PCDHGB2: variants seen among roughly 807,000 people sequenced by gnomAD.
PCDHGB2 encodes the protein protocadherin gamma subfamily B, 2.
Under a neutral mutation model 59.3 loss-of-function variants are expected in PCDHGB2, and 55 were observed. The observed-to-expected ratio is 0.93, with a 90% CI of 0.75 to 1.16. The LOEUF (loss-of-function observed/expected upper bound fraction) is 1.16. Among genes scored for constraint, PCDHGB2 ranks in the 50% most tolerant of loss-of-function variants. The pLI is 0.00. For synonymous variants in PCDHGB2, 516 were observed against 512.0 expected (o/e 1.01, Z -0.11); for missense variants, 1,228 against 1,198.5 (o/e 1.02, Z -0.36).
rs549842756 is a variant in PCDHGB2 at position 141,470,331 on chromosome 5, A to T, written c.2422-24476A>T. ...TTTCCTCAAATGATCCCATAATTTG[A>T]CCTTAGGAAGCTGTTCAAATAGACA... is the stretch of plus-strand genomic sequence containing the variant. On this transcript the variant is annotated intron_variant, in intron 1 of 3. Transcript: ENST00000522605. 3.3e-4 allele frequency among the ~76,000 whole-genome samples: 50 copies of T among 152,244 alleles called. 1 individual carries two copies. Among genetic ancestry groups the T allele is most frequent in the African/African-American group, 1.1e-3 (47 of 41,536 alleles).
chr5:141,485,065 A>G lies in PCDHGB2; in HGVS notation c.2422-9742A>G, dbSNP rs527439590. On this transcript the variant is annotated intron_variant, in intron 1 of 3. Transcript: ENST00000522605. The surrounding 1 kb of genome is among the most constrained non-coding windows in gnomAD (Gnocchi z 5.7). ...TGCGGCGCCGGCCGAACCGCGCCAG[A>G]GCTGGCGCGGGGAAAGGGAGATAGG... The G allele has an allele frequency of 4.2e-5, 37 of 877,696 alleles. No individual in the cohort carries two copies. Among genetic ancestry groups the G allele is most frequent in the Non-Finnish European group, 6.5e-5 (36 of 552,826 alleles). The allele number at this position is 877,696 out of a possible 1,614,324, so 54.4% of individuals were successfully genotyped here. A position where few individuals can be genotyped will look rare whatever the true frequency, so the allele number is the denominator to read the frequency against.
intron 1 of PCDHGB2, among the ~76,000 whole-genome samples, chr5:141,381,670 T>C (rs1383738220): frequency 6.6e-6 from 1 of 152,198 alleles, no homozygotes; most frequent in Non-Finnish European, 1.5e-5. Context: ...CTATAGCTGA[T>C]TGCTGCAGCC....
intron 1 of PCDHGB2, chr5:141,408,864 C>T: frequency 1.2e-6 from 2 of 1,613,638 alleles, no homozygotes; most frequent in Non-Finnish European, 8.5e-7. Context: ...GGGGACCCAC[C>T]AAGAAGTGCC....
At chr5:141,381,530 T>C (rs1035264051) in intron 1 of PCDHGB2, among the ~76,000 whole-genome samples, 1 of 152,196 alleles carries the variant, frequency 6.6e-6, no homozygotes. Context: ...TTGAATTGCA[T>C]ACTAGGATGA....
At chr5:141,484,878 G>C (rs2099602522) in intron 1 of PCDHGB2, 1 of 341,888 alleles carries the variant, frequency 2.9e-6, no homozygotes, top group Non-Finnish European at 5.3e-6. Flanking sequence ...TGGAGGATAG[G>C]GTGGGCTTTT....
At chr5:141,405,560 G>A in intron 1 of PCDHGB2, 1 of 613,636 alleles carries the variant, frequency 1.6e-6, no homozygotes, top group Non-Finnish European at 2.9e-6. Context: ...GAGTAGCTGG[G>A]ACTAGAGTAG....
At chr5:141,473,735 A>G (rs529416084) in intron 1 of PCDHGB2, among the ~76,000 whole-genome samples, 75 of 152,352 alleles carry the variant, frequency 4.9e-4, no homozygotes, top group African/African-American at 1.6e-3. Context: ...GAGAGGGAGA[A>G]GACATGAGAA....
At position 141,431,307 on chromosome 5, in the gene PCDHGB2, A is replaced by G. The variant is rs1332508283; in HGVS notation, c.2422-63500A>G. On this transcript the variant is annotated intron_variant, in intron 1 of 3. Transcript: ENST00000522605. This position sits in a 1 kb window ranked among gnomAD's most constrained non-coding sequence, Gnocchi z 4.8. ...AACACTCACTTCTCCCTCATCGTGC[A>G]AAATGGAGCCGACGGTAGTAAGTAC... 3.7e-6 allele frequency: 6 copies of G among 1,614,002 alleles called. No homozygotes were observed. The African/African-American group carries it at 4.0e-5, about 11-fold the overall frequency.
intron 1 of PCDHGB2, chr5:141,408,804 A>G (rs577658697): frequency 1.9e-6 from 3 of 1,613,264 alleles, no homozygotes; most frequent in African/African-American, 2.7e-5. Context: ...AAACTCCTAG[A>G]CCGGGAAGAA....
chr5:141,450,278 G>A (rs977381598), intron 1 of PCDHGB2, among the ~76,000 whole-genome samples: 1 of 152,026 alleles, frequency 6.6e-6, no homozygotes, highest in Non-Finnish European at 1.5e-5. Flanking sequence ...TCAGCTAAGT[G>A]CTGGGATTAC....
intron 1 of PCDHGB2, among the ~76,000 whole-genome samples, chr5:141,460,983 GTATATATATATA>G (rs59296681): frequency 7.3e-6 from 1 of 137,780 alleles, no homozygotes. Flanking sequence ...GTGTGTGTGT[GTATATATATATA>G]TGTGTATATA....
In PCDHGB2 at chr5:141,489,720, G is replaced by A. The variant is rs560729125; in HGVS notation, c.2422-5087G>A. ...TCCCACTGGACAGTGCCCAGGATCC[G>A]GATGTGGGCACCAATACTGTGAGCT... On this transcript the variant is annotated intron_variant, in intron 1 of 3. Transcript: ENST00000522605. The surrounding 1 kb of genome is among the most constrained non-coding windows in gnomAD (Gnocchi z 4.5). The A allele has an allele frequency of 3.2e-5, 51 of 1,614,200 alleles. No individual in the cohort carries two copies. The highest frequency in any genetic ancestry group is 9.3e-5 in the African/African-American group (7 of 75,048).
At chr5:141,414,936 G>T in intron 1 of PCDHGB2, 1 of 1,614,118 alleles carries the variant, frequency 6.2e-7, no homozygotes, top group South Asian at 1.1e-5. Context: ...GCTCCGCAGA[G>T]CCCGGCTACC....
chr5:141,451,414 A>G (rs934393544), intron 1 of PCDHGB2, among the ~76,000 whole-genome samples: 2 of 152,108 alleles, frequency 1.3e-5, no homozygotes, highest in African/African-American at 2.4e-5. Flanking sequence ...TTCCTTGTGG[A>G]TTGTTAGACT....
chr5:141,395,124 C>T, intron 1 of PCDHGB2: 2 of 1,614,194 alleles, frequency 1.2e-6, no homozygotes, highest in Non-Finnish European at 1.7e-6. Context: ...CCTGATCTTT[C>T]CCCAGCCCAA....
chr5:141,460,416 A>C (rs966481039), intron 1 of PCDHGB2, among the ~76,000 whole-genome samples: 1 of 152,138 alleles, frequency 6.6e-6, no homozygotes, highest in African/African-American at 2.4e-5. Flanking sequence ...GTTGATGTTT[A>C]TGTATGGTGT....
intron 1 of PCDHGB2, chr5:141,414,589 G>T: frequency 1.2e-6 from 2 of 1,613,834 alleles, no homozygotes; most frequent in African/African-American, 2.7e-5. Flanking sequence ...CAACGCCAGG[G>T]GTGCCTCCAT....
At chr5:141,415,040 C>T (rs772941952) in intron 1 of PCDHGB2, 8 of 1,613,520 alleles carry the variant, frequency 5.0e-6, no homozygotes, top group South Asian at 1.1e-5. Context: ...GGACTCTTCG[C>T]GGTGGGGGAG....
chr5:141,463,990 G>C (rs2099073582), intron 1 of PCDHGB2, among the ~76,000 whole-genome samples: 1 of 151,990 alleles, frequency 6.6e-6, no homozygotes, highest in Admixed American at 6.6e-5. Context: ...TAAAAACCAG[G>C]TGCAGTGGCT....
Sources: allele counts gnomAD v4.1 joint callset (sites outside exome capture counted in the v4.1 genomes callset), GRCh38; gene constraint gnomAD v4.1.1; non-coding constraint Gnocchi (gnomAD v3.1); transcripts MANE v1.5; gene names NCBI Gene and HGNC (gene_info 2026-07-23, HGNC 2026-07-21).